The following LRRD1 variants were observed in gnomAD, a reference collection of about 807,000 sequenced individuals.
LRRD1 encodes the protein leucine rich repeats and death domain containing 1.
A neutral mutation model predicts 69.5 loss-of-function variants in LRRD1; 49 were observed. That is an observed-to-expected ratio of 0.70 (90% confidence interval 0.56 to 0.89). LRRD1 has a LOEUF of 0.89. Among genes scored for constraint, LRRD1 ranks in the 40% least tolerant of loss-of-function variants. LRRD1 has a pLI of 0.00. For missense variants in LRRD1, 853 were observed against 956.0 expected (o/e 0.89, Z 1.42); for synonymous variants, 303 against 338.9 (o/e 0.89, Z 1.16).
chr7:92,145,272 A>T (rs989312845), intron 5 of LRRD1, among the ~76,000 whole-genome samples, 198 bp from the exon 6 acceptor site: 1 of 152,104 alleles, frequency 6.6e-6, no homozygotes, highest in Non-Finnish European at 1.5e-5. Context: ...CTCTATAAAA[A>T]TTTGGCATGG....
rs977472954 is a variant in LRRD1, at chr7:92,155,502, ATCAGTTGACC to A, written c.2116+3493_2116+3502del. ...ATAAGGGGGAACTACCATGGCAAAA[ATCAGTTGACC>A]ACATAGTGGTCAGTCAGGGTTCTCT... is the stretch of plus-strand genomic sequence containing the variant. On this transcript the variant is annotated intron_variant, in intron 3 of 5. Coordinates refer to ENST00000458448, the MANE Select transcript of LRRD1 (RefSeq NM_001161528.2). Among the ~76,000 whole-genome samples the A allele has an allele frequency of 3.1e-4, 47 of 152,152 alleles. 1 individual carries two copies. The highest frequency in any genetic ancestry group is 1.1e-3 in the African/African-American group (46 of 41,436).
chr7:92,160,808 G>A (rs1403021539), intron 2 of LRRD1, among the ~76,000 whole-genome samples: 1 of 152,056 alleles, frequency 6.6e-6, no homozygotes, highest in Non-Finnish European at 1.5e-5. Context: ...GTGAGACTCT[G>A]TCTCAAAAAC....
At chr7:92,154,313 C>T (rs958775964) in intron 3 of LRRD1, among the ~76,000 whole-genome samples, 10 of 152,108 alleles carry the variant, frequency 6.6e-5, no homozygotes, top group Non-Finnish European at 1.2e-4. Flanking sequence ...GATCTTGGCT[C>T]ATTGCAGCCT....
At chr7:92,155,908 G>A (rs1439536615) in intron 3 of LRRD1, among the ~76,000 whole-genome samples, 1 of 152,232 alleles carries the variant, frequency 6.6e-6, no homozygotes, top group Non-Finnish European at 1.5e-5. Context: ...AGAAGACACA[G>A]CCAGTCTAGT....
chr7:92,163,188 TA>T, intron 2 of LRRD1, 97 bp downstream of exon 2: 1 of 737,438 alleles, frequency 1.4e-6, no homozygotes. Flanking sequence ...CAGCTCAACT[TA>T]AAACACACAT....
chr7:92,150,853 A>AG (rs2130987203), intron 3 of LRRD1, among the ~76,000 whole-genome samples, 158 bp from the exon 4 acceptor site: 1 of 152,354 alleles, frequency 6.6e-6, no homozygotes, highest in South Asian at 2.1e-4. Flanking sequence ...AGAGCAAAAA[A>AG]GAGTGTTTAT....
chr7:92,146,056 G>T (rs1377628818), intron 5 of LRRD1, 27 bp downstream of exon 5: 1 of 1,187,890 alleles, frequency 8.4e-7, no homozygotes, highest in Non-Finnish European at 1.2e-6. Flanking sequence ...GAATAAATTT[G>T]TACTAAATGC....
intron 3 of LRRD1, among the ~76,000 whole-genome samples, chr7:92,151,445 C>T (rs905083117): frequency 1.3e-5 from 2 of 152,126 alleles, no homozygotes; most frequent in African/African-American, 4.8e-5. Flanking sequence ...ACCTCATATC[C>T]GCATGACATC....
intron 3 of LRRD1, among the ~76,000 whole-genome samples, chr7:92,158,356 A>AAAAT (rs542837618): frequency 1.9e-4 from 29 of 151,920 alleles, no homozygotes; most frequent in Non-Finnish European, 3.4e-4. Flanking sequence ...ACCCTGTCTC[A>AAAAT]AAATAAATAA....
At chr7:92,161,429 T>A (rs940776089) in intron 2 of LRRD1, among the ~76,000 whole-genome samples, 1 of 152,240 alleles carries the variant, frequency 6.6e-6, no homozygotes, top group East Asian at 1.9e-4. Flanking sequence ...AGACAACAGA[T>A]ACGCAATTTG....
chr7:92,145,007 A>G lies in LRRD1; in HGVS notation c.2464T>C (p.Ser822Pro). The G allele has an allele frequency of 3.2e-6, 5 of 1,539,554 alleles. No individual in the cohort carries two copies. The highest frequency in any genetic ancestry group is 4.4e-6 in the Non-Finnish European group (5 of 1,139,476). Reference sequence around the variant, plus strand: ...TCTCTTAAAGCAGCAGCAGTTAGTGATAACTTGTTACTTTGTGTTTTCCAT... The same window carrying G: ...TCTCTTAAAGCAGCAGCAGTTAGTGGTAACTTGTTACTTTGTGTTTTCCAT... ...VIWKTQSNKL[S>P]LTAAALRDQL... is the part of the protein sequence containing the mutation. The change falls in exon 6 of 6, where the codon TCA becomes CCA. Residue 822 changes from serine (S) to proline (P), a missense_variant. Transcript: ENST00000458448.
At chr7:92,173,948 T>C (rs1280963252) in intron 1 of LRRD1, among the ~76,000 whole-genome samples, 1 of 152,148 alleles carries the variant, frequency 6.6e-6, no homozygotes, top group African/African-American at 2.4e-5. Flanking sequence ...AACAGATGAA[T>C]GGATAAAGAA....
In LRRD1 at chr7:92,144,865, A is replaced by G; in HGVS notation, c.*23T>C. On this transcript the variant is annotated 3_prime_UTR_variant, in exon 6 of 6. Coordinates refer to ENST00000458448, the MANE Select transcript of LRRD1 (RefSeq NM_001161528.2). ...AATTATAAGTGCATCAAAAGTTTTC[A>G]GTTTTTATTATTGATCCACTGGTTA... 1 of 1,405,038 alleles carries G rather than the reference A, an allele frequency of 7.1e-7. No individual in the cohort carries two copies. 87.0% of individuals were successfully genotyped at this position (1,405,038 alleles called of 1,614,324 possible).
chr7:92,163,914 A>T lies in LRRD1; in HGVS notation c.1289T>A (p.Met430Lys), dbSNP rs548785113. 9.9e-5 allele frequency: 152 copies of T among 1,534,812 alleles called. No homozygotes were observed. The South Asian group carries it at 1.8e-3, about 18-fold the overall frequency. The change falls in exon 2 of 6, where the codon ATG (methionine) becomes AAG (lysine). Residue 430 changes from methionine to lysine, a missense_variant. Coordinates refer to ENST00000458448, the MANE Select transcript of LRRD1 (RefSeq NM_001161528.2). ...TGAGATACAGTCAGTTATTTTTACC[A>T]TATTATTTCTGTTTACATGGAGTTT... The part of the protein sequence containing the change: ...LRKLHVNRNN[M>K]VKITDCISHL...
intron 3 of LRRD1, among the ~76,000 whole-genome samples, chr7:92,154,729 G>T (rs1451887864): frequency 6.6e-6 from 1 of 151,972 alleles, no homozygotes; most frequent in East Asian, 1.9e-4. Flanking sequence ...ATTTTGTTTT[G>T]TTTTGGCTTT....
chr7:92,175,746 T>C (rs1290403937), intron 1 of LRRD1, among the ~76,000 whole-genome samples: 1 of 152,240 alleles, frequency 6.6e-6, no homozygotes, highest in Non-Finnish European at 1.5e-5. Flanking sequence ...ATGCTATGCT[T>C]TGCTTTTCAC....
chr7:92,164,738 T>G lies in LRRD1; in HGVS notation c.465A>C (p.Glu155Asp), dbSNP rs370320629. The change falls in exon 2 of 6, where the codon GAA becomes GAC. Residue 155 changes from glutamate (E) to aspartate (D), a missense_variant. Physicochemically the swap from Glu to Asp is conservative, Grantham distance 45 (BLOSUM62 2). Around this residue, in one of 3 missense-constraint regions of LRRD1, gnomAD observed 739 missense variants for 808.0 expected, o/e 0.91. Transcript: ENST00000458448. ...TGATTTTTAAAATGTCCTTAGGAAA[T>G]TCCTGTAAACCCTTGGCCTCAAGGT... ...TVNLEAKGLQ[E>D]FPKDILKIKY... The G allele has an allele frequency of 6.3e-5, 98 of 1,550,824 alleles. 1 individual carries two copies. The African/African-American group carries it at 1.0e-3, about 16-fold the overall frequency.
chr7:92,167,738 A>C (rs919882398), intron 1 of LRRD1, among the ~76,000 whole-genome samples: 1 of 151,240 alleles, frequency 6.6e-6, no homozygotes. Flanking sequence ...TTAGCCGGGC[A>C]TAGTGGCGGG....
intron 3 of LRRD1, among the ~76,000 whole-genome samples, chr7:92,150,928 T>A (rs1255037336): frequency 6.6e-6 from 1 of 152,220 alleles, no homozygotes; most frequent in East Asian, 1.9e-4. Context: ...CTATCCTCTT[T>A]TAATACAGCA....
Sources: gnomAD v4.1 joint callset for allele counts (sites outside exome capture counted in the v4.1 genomes callset) on GRCh38, gnomAD v4.1.1 for gene constraint, gnomAD v4.1.1 regional missense constraint, MANE v1.5 for transcripts, NCBI Gene and HGNC (gene_info 2026-07-23, HGNC 2026-07-21) for gene names.